Variants in CSMD1 observed in about 807,000 individuals in gnomAD.
CSMD1 encodes CUB and Sushi multiple domains 1, also known as CUB and sushi domain-containing protein 1.
A neutral mutation model predicts 417.5 loss-of-function variants in CSMD1; 213 were observed. That is an observed-to-expected ratio of 0.51 (90% CI 0.46 to 0.57). The LOEUF is 0.57. CSMD1 is among the 20% of genes least tolerant of loss of function. CSMD1 has a pLI of 0.00. For missense variants in CSMD1, 6,923 were observed against 4,529.7 expected (o/e 1.53, Z -15.17); for synonymous variants, 2,862 against 1,736.8 (o/e 1.65, Z -16.11).
At chr8:3,020,005 C>T (rs1809225780) in intron 51 of CSMD1, among the ~76,000 whole-genome samples, 2 of 152,234 alleles carry the variant, frequency 1.3e-5, no homozygotes, top group Admixed American at 6.5e-5. Context: ...CAGTGGCAAA[C>T]ATCGAGTTCT....
At chr8:2,945,759 C>T (rs987900475) in intron 68 of CSMD1, among the ~76,000 whole-genome samples, 5 of 152,104 alleles carry the variant, frequency 3.3e-5, no homozygotes, top group African/African-American at 7.2e-5. Flanking sequence ...TCCTTCCACA[C>T]GTTATTATTG....
At chr8:4,787,907 C>T in intron 1 of CSMD1, 1 of 1,587,660 alleles carries the variant, frequency 6.3e-7, no homozygotes, top group Non-Finnish European at 8.6e-7. Flanking sequence ...GTTGATGTAA[C>T]CACAAAGAAA....
chr8:3,821,509 G>A (rs1801734523), intron 5 of CSMD1, among the ~76,000 whole-genome samples: 2 of 99,218 alleles, frequency 2.0e-5, no homozygotes, highest in South Asian at 5.9e-4. Flanking sequence ...GGAGCTGGGT[G>A]CGGTGGCTCA....
chr8:4,647,111 T>C (rs911193162), intron 1 of CSMD1, among the ~76,000 whole-genome samples: 4 of 152,056 alleles, frequency 2.6e-5, no homozygotes, highest in African/African-American at 9.7e-5. Context: ...AAGAAATTGA[T>C]CTCCAACAAG....
chr8:4,290,141 G>C (rs1034513428), intron 3 of CSMD1, among the ~76,000 whole-genome samples: 3 of 152,182 alleles, frequency 2.0e-5, no homozygotes, highest in African/African-American at 4.8e-5. Flanking sequence ...GCAGGGAGTG[G>C]TGAGGAAATG....
Position 3,239,769 on chromosome 8 carries a change from G to A in CSMD1, c.4154-9538C>T, listed in dbSNP as rs190508056. Among the ~76,000 whole-genome samples, 20 of 152,286 alleles carry A rather than the reference G, an allele frequency of 1.3e-4. No homozygotes were observed. In the East Asian group the frequency reaches 2.3e-3, roughly 18 times the overall value. On this transcript the variant is annotated intron_variant, in intron 26 of 69. Transcript: ENST00000635120. ...TGGAACTGCCCTCAATAAACCAAGC[G>A]TGATGAGGGCGAGGAACAGGAAAGA... is the stretch of plus-strand genomic sequence containing the variant.
At chr8:3,947,961 T>C (rs1383609870) in intron 5 of CSMD1, among the ~76,000 whole-genome samples, 1 of 152,162 alleles carries the variant, frequency 6.6e-6, no homozygotes, top group African/African-American at 2.4e-5. Flanking sequence ...ATCCCAGCAC[T>C]TTGGGAGGCC....
rs563892157 is a variant in CSMD1 at position 4,666,935 on chromosome 8, A to C, written c.86-29377T>G. 2.6e-5 allele frequency among the ~76,000 whole-genome samples: 4 copies of C among 152,222 alleles called. No individual in the cohort carries two copies. The East Asian group carries it at 7.7e-4, about 29-fold the overall frequency. On this transcript the variant is annotated intron_variant, in intron 1 of 69. Coordinates refer to ENST00000635120, the MANE Select transcript of CSMD1 (RefSeq NM_033225.6). Reference sequence around the variant, plus strand: ...AATTAAAAAAAAAGTTCTTTGCCTCAATTTGTGAAGCATTTATAAAATTTT... The same window carrying C: ...AATTAAAAAAAAAGTTCTTTGCCTCCATTTGTGAAGCATTTATAAAATTTT...
chr8:4,785,023 G>C (rs1253730316), intron 1 of CSMD1, among the ~76,000 whole-genome samples: 3 of 152,200 alleles, frequency 2.0e-5, no homozygotes, highest in African/African-American at 4.8e-5. Context: ...TCTGAAATCA[G>C]TTCTGGGCAC....
intron 2 of CSMD1, among the ~76,000 whole-genome samples, chr8:4,554,469 A>G (rs551024000): frequency 6.3e-4 from 96 of 152,276 alleles, no homozygotes; most frequent in African/African-American, 2.2e-3. Flanking sequence ...TAGAATGTTC[A>G]CGTAATAATT....
At chr8:4,633,689 T>C (rs1288065986) in intron 2 of CSMD1, among the ~76,000 whole-genome samples, 1 of 152,190 alleles carries the variant, frequency 6.6e-6, no homozygotes, top group Non-Finnish European at 1.5e-5. Context: ...CCCGAGTAGC[T>C]GGACTTACAG....
At chr8:3,491,091 A>G (rs1028113993) in intron 11 of CSMD1, among the ~76,000 whole-genome samples, 23 of 152,202 alleles carry the variant, frequency 1.5e-4, no homozygotes, top group African/African-American at 5.5e-4. Flanking sequence ...CAATGTCTAC[A>G]TACAAAGATA....
Position 4,888,934 on chromosome 8 carries a change from G to C in CSMD1, c.85+105398C>G, listed in dbSNP as rs573815698. 3.3e-5 allele frequency among the ~76,000 whole-genome samples: 5 copies of C among 152,180 alleles called. No homozygotes were observed. In the East Asian group the frequency reaches 9.7e-4, roughly 29 times the overall value. On this transcript the variant is annotated intron_variant, in intron 1 of 69. Coordinates refer to ENST00000635120, the MANE Select transcript of CSMD1 (RefSeq NM_033225.6). ...ATAATTAAATGAGTTAATGAATGAG[G>C]AGAAGGGAAAATCTTTACTTACAAT...
At chr8:4,383,055 T>A (rs1803207291) in intron 3 of CSMD1, among the ~76,000 whole-genome samples, 1 of 152,166 alleles carries the variant, frequency 6.6e-6, no homozygotes, top group South Asian at 2.1e-4. Context: ...AGCATTAGGA[T>A]TCGGGAGTAA....
At chr8:4,944,341 G>C (rs899162520) in intron 1 of CSMD1, among the ~76,000 whole-genome samples, 1 of 152,204 alleles carries the variant, frequency 6.6e-6, no homozygotes, top group Non-Finnish European at 1.5e-5. Context: ...CTAGTTATCA[G>C]TGAGTTTGGG....
At chr8:4,141,210 G>C (rs2131016588) in intron 3 of CSMD1, among the ~76,000 whole-genome samples, 1 of 151,212 alleles carries the variant, frequency 6.6e-6, no homozygotes, top group East Asian at 1.9e-4. Flanking sequence ...CTATCAGAAA[G>C]ACTGGAAACC....
intron 52 of CSMD1, among the ~76,000 whole-genome samples, chr8:3,009,809 C>CA (rs1470918928): frequency 6.6e-6 from 1 of 152,132 alleles, no homozygotes; most frequent in African/African-American, 2.4e-5. Flanking sequence ...GTGACAGCAT[C>CA]AAACACGGGC....
intron 2 of CSMD1, among the ~76,000 whole-genome samples, chr8:4,435,430 T>G (rs1358311722): frequency 1.3e-5 from 2 of 152,210 alleles, no homozygotes; most frequent in Non-Finnish European, 2.9e-5. Flanking sequence ...GCCCAGAGTT[T>G]GTCTAGTTTT....
At chr8:3,134,827 T>C (rs1817988314) in intron 41 of CSMD1, among the ~76,000 whole-genome samples, 1 of 152,218 alleles carries the variant, frequency 6.6e-6, no homozygotes, top group Non-Finnish European at 1.5e-5. Flanking sequence ...GCCTCATTTT[T>C]CTTATCTGTG....
Sources: gnomAD v4.1 joint callset for allele counts (sites outside exome capture counted in the v4.1 genomes callset) on GRCh38, gnomAD v4.1.1 for gene constraint, MANE v1.5 for transcripts, NCBI Gene and HGNC (gene_info 2026-07-23, HGNC 2026-07-21) for gene names.